RERE: variants seen among roughly 807,000 people sequenced by gnomAD.
The protein encoded by RERE is arginine-glutamic acid dipeptide repeats, also known as arginine-glutamic acid dipeptide repeats protein.
RERE carries 40 observed loss-of-function variants against 146.1 expected under a neutral mutation model. That is an observed-to-expected ratio of 0.27 (90% CI 0.21 to 0.36). The LOEUF (loss-of-function observed/expected upper bound fraction) is 0.36. Among genes scored for constraint, RERE ranks in the 10% least tolerant of loss-of-function variants. The pLI is 1.00. For synonymous variants in RERE, 1,003 were observed against 866.0 expected (o/e 1.16, Z -2.78); for missense variants, 1,933 against 2,138.7 (o/e 0.90, Z 1.90).
intron 2 of RERE, among the ~76,000 whole-genome samples, chr1:8,625,985 C>T (rs978869741): frequency 6.6e-6 from 1 of 151,346 alleles, no homozygotes; most frequent in Non-Finnish European, 1.5e-5. Context: ...CCTGAATCCA[C>T]GTAAAACAGT....
intron 1 of RERE, among the ~76,000 whole-genome samples, chr1:8,800,058 C>G (rs905612713): frequency 6.6e-6 from 1 of 152,098 alleles, no homozygotes; most frequent in African/African-American, 2.4e-5. Flanking sequence ...AGGTGATCTG[C>G]CTGCCTCGGC....
chr1:8,480,481 G>A, intron 10 of RERE, among the ~76,000 whole-genome samples: 1 of 149,198 alleles, frequency 6.7e-6, no homozygotes, highest in Non-Finnish European at 1.5e-5. Flanking sequence ...TGTTGCCCAG[G>A]CTGGAGTACA....
At chr1:8,732,052 C>G (rs1424076693) in intron 1 of RERE, among the ~76,000 whole-genome samples, 2 of 152,152 alleles carry the variant, frequency 1.3e-5, no homozygotes, top group Admixed American at 1.3e-4. Flanking sequence ...ATCTGCCCAC[C>G]TCAGCCTCCC....
intron 1 of RERE, among the ~76,000 whole-genome samples, chr1:8,699,150 G>A (rs1237489290): frequency 1.3e-5 from 2 of 152,170 alleles, no homozygotes; most frequent in Non-Finnish European, 2.9e-5. Flanking sequence ...TACATAATTA[G>A]TGCTCACTAT....
At chr1:8,408,039 T>C (rs957792162) in intron 12 of RERE, among the ~76,000 whole-genome samples, 1 of 152,116 alleles carries the variant, frequency 6.6e-6, no homozygotes, top group African/African-American at 2.4e-5. Flanking sequence ...AACGCTGGCA[T>C]TAAAAGTAAA....
rs556055873 is a variant in RERE, at chr1:8,652,917, T to C, written c.325+3056A>G. Among the ~76,000 whole-genome samples the C allele has an allele frequency of 3.9e-5, 6 of 152,326 alleles. No homozygotes were observed. In the South Asian group the frequency reaches 1.0e-3, roughly 26 times the overall value. ...ACTACAATCATAGAGCACTGCAACCTTGACCTCCTGTGCTCAAGAGATCCT... is the reference window on the plus strand; with the variant it reads ...ACTACAATCATAGAGCACTGCAACCCTGACCTCCTGTGCTCAAGAGATCCT... On this transcript the variant is annotated intron_variant, in intron 2 of 22. Transcript: ENST00000400908.
chr1:8,677,560 A>G (rs576464177), intron 1 of RERE, among the ~76,000 whole-genome samples: 4 of 152,214 alleles, frequency 2.6e-5, no homozygotes, highest in East Asian at 1.9e-4. Flanking sequence ...GCGTTCTAAC[A>G]TAAGAATAAC....
chr1:8,772,006 A>G (rs928164295), intron 1 of RERE, among the ~76,000 whole-genome samples: 2 of 152,076 alleles, frequency 1.3e-5, no homozygotes, highest in South Asian at 2.1e-4. Flanking sequence ...AGGAAAACAT[A>G]TAAAATTTTG....
At chr1:8,621,943 ATC>A (rs1185703454) in intron 3 of RERE, among the ~76,000 whole-genome samples, 2 of 152,248 alleles carry the variant, frequency 1.3e-5, no homozygotes, top group African/African-American at 4.8e-5. Flanking sequence ...ATATTTCATC[ATC>A]TGTTGTTCTT....
intron 1 of RERE, among the ~76,000 whole-genome samples, chr1:8,791,713 A>C (rs1641365963): frequency 6.6e-6 from 1 of 152,212 alleles, no homozygotes; most frequent in South Asian, 2.1e-4. Flanking sequence ...GATTATTCTG[A>C]AATCTCTTCT....
Position 8,423,793 on chromosome 1 carries a change from C to G in RERE, c.1204-986G>C. 1.5e-6 allele frequency: 1 copy of G among 684,980 alleles called. No individual in the cohort carries two copies. The highest frequency in any genetic ancestry group is 6.4e-5 in the South Asian group (1 of 15,590). 42.4% of individuals were successfully genotyped at this position (684,980 alleles called of 1,614,324 possible). On this transcript the variant is annotated intron_variant, in intron 11 of 22. Transcript: ENST00000400908. This position sits in a 1 kb window ranked among gnomAD's most constrained non-coding sequence, Gnocchi z 5.4. ...GACGGGGGAGGAGGCAGGAGCGCGG[C>G]GCGCAGAGCCCGGCGCGGCCGCGGG...
chr1:8,562,070 A>C (rs1646085230), intron 4 of RERE, among the ~76,000 whole-genome samples: 1 of 152,206 alleles, frequency 6.6e-6, no homozygotes, highest in Non-Finnish European at 1.5e-5. Flanking sequence ...GGATTAAATA[A>C]ATTAATATAA....
intron 1 of RERE, among the ~76,000 whole-genome samples, chr1:8,779,064 C>T (rs1205561287): frequency 6.7e-6 from 1 of 149,746 alleles, no homozygotes; most frequent in African/African-American, 2.4e-5. Context: ...CCAGGCTGGT[C>T]TCGAACTCCT....
At chr1:8,441,067 G>C (rs1395632134) in intron 11 of RERE, among the ~76,000 whole-genome samples, 4 of 151,582 alleles carry the variant, frequency 2.6e-5, no homozygotes, top group Non-Finnish European at 5.9e-5. Context: ...ACCCTTGGAG[G>C]GCAAGGACAG....
chr1:8,671,513 GA>G (rs1570590860), intron 1 of RERE, among the ~76,000 whole-genome samples: 1 of 152,204 alleles, frequency 6.6e-6, no homozygotes, highest in Non-Finnish European at 1.5e-5. Flanking sequence ...GTTTCACAGG[GA>G]AATACACCAG....
intron 7 of RERE, among the ~76,000 whole-genome samples, chr1:8,525,160 T>A (rs1162467616): frequency 3.3e-5 from 5 of 152,288 alleles, no homozygotes; most frequent in Middle Eastern, 3.4e-3. Context: ...CTTTCATTTT[T>A]AAAAAAATCA....
intron 3 of RERE, among the ~76,000 whole-genome samples, chr1:8,616,868 A>G (rs1268937072): frequency 6.6e-6 from 1 of 152,198 alleles, no homozygotes; most frequent in Non-Finnish European, 1.5e-5. Flanking sequence ...ATTTATTCCC[A>G]AGGCCTCATT....
intron 1 of RERE, among the ~76,000 whole-genome samples, chr1:8,683,186 A>G (rs113495846): frequency 6.8e-4 from 104 of 152,280 alleles, no homozygotes; most frequent in African/African-American, 2.5e-3. Flanking sequence ...TGGAATATTC[A>G]AAGGGGAGAG....
intron 12 of RERE, among the ~76,000 whole-genome samples, chr1:8,372,006 C>G (rs1181597725): frequency 6.6e-6 from 1 of 152,238 alleles, no homozygotes; most frequent in African/African-American, 2.4e-5. Flanking sequence ...ACCAACACAA[C>G]TGCTATTTAA....
Sources: allele counts gnomAD v4.1 joint callset (sites outside exome capture counted in the v4.1 genomes callset), GRCh38; gene constraint gnomAD v4.1.1; non-coding constraint Gnocchi (gnomAD v3.1); transcripts MANE v1.5; gene names NCBI Gene and HGNC (gene_info 2026-07-23, HGNC 2026-07-21).